FHIP1A: variants seen among roughly 807,000 people sequenced by gnomAD.
The protein encoded by FHIP1A is FHF complex subunit HOOK-interacting protein 1A.
A neutral mutation model predicts 88.6 loss-of-function variants in FHIP1A; 61 were observed. The ratio of observed to expected loss-of-function variants is 0.69; its 90% CI spans 0.56 to 0.85. FHIP1A has a LOEUF of 0.85. Among genes scored for constraint, FHIP1A ranks in the 40% least tolerant of loss-of-function variants. FHIP1A has a pLI of 0.00. For synonymous variants in FHIP1A, 478 were observed against 496.0 expected, an observed-to-expected ratio of 0.96 and a Z score of 0.48; for missense variants, 1,154 against 1,273.5, an observed-to-expected ratio of 0.91 and a Z score of 1.43.
At chr4:151,429,441 G>GGTTA (rs2126537013) in intron 1 of FHIP1A, among the ~76,000 whole-genome samples, 2 of 152,296 alleles carry the variant, frequency 1.3e-5, no homozygotes, top group South Asian at 4.1e-4. Flanking sequence ...CATCTAGGGA[G>GGTTA]GTTACCTCCT....
intron 2 of FHIP1A, among the ~76,000 whole-genome samples, chr4:151,474,144 A>G (rs537798666): frequency 6.6e-4 from 100 of 152,350 alleles, no homozygotes; most frequent in African/African-American, 2.3e-3. Flanking sequence ...AACTGTTGGA[A>G]AAGTCTTTTT....
At chr4:151,509,417 A>G (rs1730946406) in intron 3 of FHIP1A, among the ~76,000 whole-genome samples, 1 of 152,080 alleles carries the variant, frequency 6.6e-6, no homozygotes, top group Non-Finnish European at 1.5e-5. Flanking sequence ...CGCCCGCCTC[A>G]GCCTCCCAAA....
intron 8 of FHIP1A, 75 bp from the exon 9 acceptor site, chr4:151,638,602 A>G: frequency 1.2e-6 from 1 of 826,836 alleles, no homozygotes; most frequent in Non-Finnish European, 1.9e-6. Context: ...TGTAATTCTG[A>G]TTTATTTACT....
intron 3 of FHIP1A, among the ~76,000 whole-genome samples, chr4:151,532,145 T>A (rs543452192): frequency 6.6e-6 from 1 of 152,324 alleles, no homozygotes; most frequent in South Asian, 2.1e-4. Context: ...TTTTTTGGTT[T>A]TGTCATTGCG....
At chr4:151,657,868 G>A (rs976243571) in intron 13 of FHIP1A, among the ~76,000 whole-genome samples, 1 of 152,210 alleles carries the variant, frequency 6.6e-6, no homozygotes, top group African/African-American at 2.4e-5. Context: ...TGCTGCCCCT[G>A]TGCAGCTATT....
At chr4:151,494,634 A>AATT (rs1463819990) in intron 3 of FHIP1A, among the ~76,000 whole-genome samples, 1 of 152,052 alleles carries the variant, frequency 6.6e-6, no homozygotes, top group Non-Finnish European at 1.5e-5. Context: ...TTTTGCTTAG[A>AATT]ATTTCCTTGG....
intron 3 of FHIP1A, among the ~76,000 whole-genome samples, chr4:151,517,062 A>T (rs1255163598): frequency 6.6e-6 from 1 of 152,226 alleles, no homozygotes; most frequent in Non-Finnish European, 1.5e-5. Flanking sequence ...CAAATGTCCA[A>T]CAATGATAGA....
At chr4:151,587,559 C>T (rs1309193130) in intron 6 of FHIP1A, among the ~76,000 whole-genome samples, 1 of 149,732 alleles carries the variant, frequency 6.7e-6, no homozygotes, top group Non-Finnish European at 1.5e-5. Flanking sequence ...GATACATGTG[C>T]ACAACGTGCA....
chr4:151,640,584 A>G (rs1486940692), intron 9 of FHIP1A, among the ~76,000 whole-genome samples: 4 of 152,240 alleles, frequency 2.6e-5, no homozygotes. Context: ...CAAAAAAACC[A>G]GGCTTTTACT....
chr4:151,656,401 T>G lies in FHIP1A; in HGVS notation c.2721T>G (p.Ser907=), dbSNP rs1737241467. 6.4e-7 allele frequency: 1 copy of G among 1,551,362 alleles called. No homozygotes were observed. The highest frequency in any genetic ancestry group is 2.0e-5 in the Admixed American group (1 of 50,968). Residue 907 remains serine, a synonymous_variant, in exon 12 of 14, where the codon TCT becomes TCG. Coordinates refer to ENST00000435205, the MANE Select transcript of FHIP1A (RefSeq NM_001109977.3). This position sits in a 1 kb window ranked among gnomAD's most constrained non-coding sequence, Gnocchi z 4.2. ...TNMVFQPSVR[S]LYQVLASVKN... ...TGGTCTTCCAGCCAAGCGTCCGCTC[T>G]CTCTATCAGGTATGTTAGCTGAACC...
At chr4:151,447,629 C>A (rs565276861) in intron 1 of FHIP1A, among the ~76,000 whole-genome samples, 3 of 152,162 alleles carry the variant, frequency 2.0e-5, no homozygotes, top group East Asian at 1.9e-4. Context: ...ACTCAAAATT[C>A]ATATGTTGAA....
At chr4:151,483,858 G>C (rs928909297) in intron 3 of FHIP1A, among the ~76,000 whole-genome samples, 12 of 152,100 alleles carry the variant, frequency 7.9e-5, no homozygotes, top group African/African-American at 2.7e-4. Flanking sequence ...TGTCCACGTA[G>C]GACTTCTTAT....
At chr4:151,422,021 A>G (rs1580545166) in intron 1 of FHIP1A, among the ~76,000 whole-genome samples, 1 of 151,868 alleles carries the variant, frequency 6.6e-6, no homozygotes, top group Non-Finnish European at 1.5e-5. Context: ...TTCCAGGCCT[A>G]TTTTTTCCTT....
intron 5 of FHIP1A, 126 bp downstream of exon 5, chr4:151,578,202 A>T: frequency 2.3e-6 from 2 of 859,560 alleles, no homozygotes; most frequent in Non-Finnish European, 3.5e-6. Flanking sequence ...CTATGGAAGG[A>T]TGTTTAGAGG....
At chr4:151,559,623 A>G (rs1578752685) in intron 3 of FHIP1A, among the ~76,000 whole-genome samples, 1 of 152,332 alleles carries the variant, frequency 6.6e-6, no homozygotes, top group African/African-American at 2.4e-5. Context: ...TATAATTGTA[A>G]CATAGTATTC....
intron 1 of FHIP1A, among the ~76,000 whole-genome samples, chr4:151,453,142 G>A (rs1446682118): frequency 1.3e-5 from 2 of 151,210 alleles, no homozygotes; most frequent in East Asian, 2.0e-4. Flanking sequence ...TCAGCCTCCC[G>A]AGTAGCTGGA....
intron 1 of FHIP1A, among the ~76,000 whole-genome samples, chr4:151,434,207 C>T (rs1256245111): frequency 2.0e-5 from 3 of 152,172 alleles, no homozygotes. Flanking sequence ...TCTTCATTTA[C>T]TACCCTAATT....
intron 7 of FHIP1A, among the ~76,000 whole-genome samples, chr4:151,597,993 G>C (rs1560790967): frequency 6.6e-6 from 1 of 152,136 alleles, no homozygotes; most frequent in Non-Finnish European, 1.5e-5. Context: ...TGCTGAGCTA[G>C]ATCACTTGGT....
chr4:151,529,336 C>T (rs973984822), intron 3 of FHIP1A, among the ~76,000 whole-genome samples: 1 of 152,096 alleles, frequency 6.6e-6, no homozygotes, highest in African/African-American at 2.4e-5. Flanking sequence ...GGGAGTCCGC[C>T]GTTATTGTAG....
Sources: gnomAD v4.1 joint callset for allele counts (sites outside exome capture counted in the v4.1 genomes callset) on GRCh38, gnomAD v4.1.1 for gene constraint, Gnocchi (gnomAD v3.1) non-coding constraint, MANE v1.5 for transcripts, NCBI Gene and HGNC (gene_info 2026-07-23, HGNC 2026-07-21) for gene names.